MTHFD1L: variants seen among roughly 807,000 people sequenced by gnomAD.
MTHFD1L encodes the protein monofunctional C1-tetrahydrofolate synthase, mitochondrial.
MTHFD1L carries 81 observed loss-of-function variants against 119.5 expected under a neutral mutation model. That is an observed-to-expected ratio of 0.68 (90% CI 0.57 to 0.82). MTHFD1L has a LOEUF of 0.82. MTHFD1L is among the 40% of genes least tolerant of loss of function. The pLI, the probability that MTHFD1L is intolerant of heterozygous loss-of-function variation, is 0.00. For synonymous variants in MTHFD1L, 430 were observed against 475.2 expected (o/e 0.90, Z 1.24); for missense variants, 1,125 against 1,253.4 (o/e 0.90, Z 1.55).
chr6:150,885,476 G>A (rs974381002), intron 5 of MTHFD1L, among the ~76,000 whole-genome samples, 158 bp from the exon 6 acceptor site: 3 of 152,202 alleles, frequency 2.0e-5, no homozygotes, highest in Non-Finnish European at 2.9e-5. Flanking sequence ...GATTACAGGC[G>A]TGAGCCACCA....
intron 24 of MTHFD1L, among the ~76,000 whole-genome samples, chr6:151,029,881 T>A (rs1180009546): frequency 6.6e-6 from 1 of 152,252 alleles, no homozygotes; most frequent in African/African-American, 2.4e-5. Flanking sequence ...TTTGCTCCCA[T>A]GTGAGTTTTT....
chr6:151,038,556 G>GT lies in MTHFD1L; in HGVS notation c.2847+1442dup, dbSNP rs575980155. Reference sequence around the variant, plus strand: ...CCACGGTAGGGTGGGTTTTTTGTTTGTTTGTTTCTTGGTTTTTTGTTTTTT... The same window carrying GT: ...CCACGGTAGGGTGGGTTTTTTGTTTGTTTTGTTTCTTGGTTTTTTGTTTTTT... On this transcript the variant is annotated intron_variant, in intron 26 of 27. Transcript: ENST00000367321. Among the ~76,000 whole-genome samples, 621 of 152,228 alleles carry GT rather than the reference G, an allele frequency of 4.1e-3. 3 individuals carry two copies. The highest frequency in any genetic ancestry group is 5.6e-3 in the South Asian group (27 of 4,816).
At chr6:150,932,547 G>A (rs965176568) in intron 11 of MTHFD1L, among the ~76,000 whole-genome samples, 15 of 151,864 alleles carry the variant, frequency 9.9e-5, no homozygotes, top group African/African-American at 3.4e-4. Context: ...TGAGGTGGGC[G>A]GATCACAAGG....
intron 20 of MTHFD1L, among the ~76,000 whole-genome samples, chr6:151,001,414 A>G (rs947033350): frequency 6.6e-5 from 10 of 152,240 alleles, no homozygotes; most frequent in African/African-American, 2.4e-4. Context: ...ACTATTTTTC[A>G]AAGTCCAAGG....
At chr6:150,997,280 G>T (rs1277046340) in intron 20 of MTHFD1L, among the ~76,000 whole-genome samples, 2 of 152,188 alleles carry the variant, frequency 1.3e-5, no homozygotes, top group Non-Finnish European at 2.9e-5. Flanking sequence ...CAAGGGTGTA[G>T]GTTGCTCTAA....
chr6:151,000,440 G>A (rs981423134), intron 20 of MTHFD1L, among the ~76,000 whole-genome samples: 2 of 151,682 alleles, frequency 1.3e-5, no homozygotes, highest in Admixed American at 6.6e-5. Context: ...CTGGAAATTC[G>A]ACTCCAAGAT....
intron 21 of MTHFD1L, among the ~76,000 whole-genome samples, chr6:151,010,578 A>G (rs966638413): frequency 2.0e-5 from 3 of 152,128 alleles, no homozygotes. Flanking sequence ...GACTTTTTAT[A>G]TTTACCTATC....
intron 26 of MTHFD1L, among the ~76,000 whole-genome samples, chr6:151,077,727 A>G (rs2180927): frequency 0.69 from 105,294 of 151,690 alleles, 38,434 homozygotes; most frequent in East Asian, 0.91. Context: ...AAACAAAACC[A>G]TAATACTGGA....
intron 7 of MTHFD1L, among the ~76,000 whole-genome samples, chr6:150,889,081 G>A (rs185687992): frequency 2.2e-3 from 334 of 152,290 alleles, no homozygotes; most frequent in Non-Finnish European, 4.2e-3. Context: ...GGAAGCTGAG[G>A]CAGGAGAATC....
At chr6:151,097,605 T>C (rs963322054) in intron 27 of MTHFD1L, among the ~76,000 whole-genome samples, 2 of 152,154 alleles carry the variant, frequency 1.3e-5, no homozygotes, top group Non-Finnish European at 2.9e-5. Flanking sequence ...GATGGGTGGC[T>C]GGGAGGAGGT....
chr6:150,948,333 T>A (rs1264988291), intron 15 of MTHFD1L, among the ~76,000 whole-genome samples: 2 of 151,748 alleles, frequency 1.3e-5, no homozygotes, highest in African/African-American at 4.8e-5. Context: ...TTTTTGGTTT[T>A]TTTGGAGACA....
chr6:150,890,142 A>C (rs961369333), intron 7 of MTHFD1L, among the ~76,000 whole-genome samples: 1 of 152,070 alleles, frequency 6.6e-6, no homozygotes, highest in Non-Finnish European at 1.5e-5. Context: ...GGCAACAAGA[A>C]CGAAACTCCG....
At chr6:150,974,774 T>C (rs1776309445) in intron 20 of MTHFD1L, among the ~76,000 whole-genome samples, 2 of 151,828 alleles carry the variant, frequency 1.3e-5, no homozygotes, top group Non-Finnish European at 2.9e-5. Context: ...TTCGCTCTTG[T>C]TGCCCAGGCT....
intron 26 of MTHFD1L, among the ~76,000 whole-genome samples, chr6:151,052,042 A>G (rs1789139912): frequency 6.6e-6 from 1 of 152,210 alleles, no homozygotes; most frequent in Non-Finnish European, 1.5e-5. Flanking sequence ...AAGTCGCCGG[A>G]ACTGACAAGG....
chr6:150,905,239 G>T (rs1785712269), intron 7 of MTHFD1L, among the ~76,000 whole-genome samples: 1 of 151,786 alleles, frequency 6.6e-6, no homozygotes, highest in Non-Finnish European at 1.5e-5. Context: ...TTACCATGTT[G>T]GCCAGTCTGG....
chr6:151,051,254 T>C (rs942183489), intron 26 of MTHFD1L, among the ~76,000 whole-genome samples: 9 of 152,232 alleles, frequency 5.9e-5, no homozygotes, highest in African/African-American at 1.4e-4. Flanking sequence ...TTTTGTATGA[T>C]AGCACACCCA....
intron 20 of MTHFD1L, among the ~76,000 whole-genome samples, chr6:150,988,575 G>A (rs1207107895): frequency 7.3e-6 from 1 of 136,854 alleles, no homozygotes; most frequent in Non-Finnish European, 1.5e-5. Context: ...GTGGGGTGTA[G>A]AAAAACAGAT....
intron 16 of MTHFD1L, among the ~76,000 whole-genome samples, chr6:150,955,495 GTTTTT>G (rs142879620): frequency 0.31 from 35,987 of 117,200 alleles, 4,692 homozygotes; most frequent in East Asian, 0.52. Context: ...TGCTGGTTGG[GTTTTT>G]TTTTTTTTTT....
intron 27 of MTHFD1L, among the ~76,000 whole-genome samples, chr6:151,092,876 C>A (rs1794579515): frequency 6.6e-6 from 1 of 152,132 alleles, no homozygotes; most frequent in Non-Finnish European, 1.5e-5. Flanking sequence ...GCATCTCTGA[C>A]CATAACAGAA....
Sources: gnomAD v4.1 joint callset for allele counts (sites outside exome capture counted in the v4.1 genomes callset) on GRCh38, gnomAD v4.1.1 for gene constraint, MANE v1.5 for transcripts, NCBI Gene and HGNC (gene_info 2026-07-23, HGNC 2026-07-21) for gene names.